Variants in SUSD4 observed in about 807,000 individuals in gnomAD.
SUSD4 encodes the protein sushi domain containing 4, also known as sushi domain-containing protein 4.
In SUSD4, 41 loss-of-function variants were observed where a neutral mutation model predicts 50.5. The observed-to-expected ratio is 0.81, with a 90% CI of 0.63 to 1.05. The LOEUF (loss-of-function observed/expected upper bound fraction) is 1.05, where lower values mean the gene tolerates loss of function less well. Ranked by LOEUF, SUSD4 falls within the 50% of genes least tolerant of loss-of-function variation. The pLI, the probability that SUSD4 is intolerant of heterozygous loss-of-function variation, is 0.00. For synonymous variants in SUSD4, 257 were observed against 257.3 expected (o/e 1.00, Z 0.01); for missense variants, 580 against 634.7 (o/e 0.91, Z 0.93).
intron 2 of SUSD4, among the ~76,000 whole-genome samples, chr1:223,325,562 G>A (rs1238582151): frequency 6.6e-6 from 1 of 152,126 alleles, no homozygotes; most frequent in Non-Finnish European, 1.5e-5. Context: ...ATCCAAATTG[G>A]AAAAGAGGAA....
chr1:223,344,355 G>A (rs376331101), intron 2 of SUSD4, among the ~76,000 whole-genome samples: 1 of 152,124 alleles, frequency 6.6e-6, no homozygotes, highest in East Asian at 1.9e-4. Context: ...TCAGATGAGT[G>A]TCTCACACAA....
chr1:223,312,211 G>T (rs1006977369), intron 2 of SUSD4, among the ~76,000 whole-genome samples: 1 of 152,222 alleles, frequency 6.6e-6, no homozygotes, highest in Non-Finnish European at 1.5e-5. Context: ...CCATGCAAAT[G>T]AGAGTGTCAT....
At chr1:223,226,038 T>A (rs1364708665) in intron 7 of SUSD4, among the ~76,000 whole-genome samples, 1 of 152,194 alleles carries the variant, frequency 6.6e-6, no homozygotes, top group Non-Finnish European at 1.5e-5. Flanking sequence ...CAAGAACATT[T>A]TAAAAACATC....
chr1:223,255,455 AT>A (rs1198406888), intron 5 of SUSD4, among the ~76,000 whole-genome samples: 1 of 152,156 alleles, frequency 6.6e-6, no homozygotes, highest in East Asian at 1.9e-4. Context: ...CCGATGTATG[AT>A]TTTCATATTT....
chr1:223,346,689 G>A (rs780837945), intron 2 of SUSD4, among the ~76,000 whole-genome samples: 10 of 152,226 alleles, frequency 6.6e-5, no homozygotes, highest in Admixed American at 1.3e-4. Context: ...GAATGAAAAC[G>A]GTACCTAATT....
chr1:223,278,984 C>T (rs1663490598), intron 3 of SUSD4, among the ~76,000 whole-genome samples: 1 of 152,198 alleles, frequency 6.6e-6, no homozygotes, highest in African/African-American at 2.4e-5. Flanking sequence ...CAGCTAACTC[C>T]AACAGACCTG....
At chr1:223,282,462 C>T (rs1389323284) in intron 3 of SUSD4, among the ~76,000 whole-genome samples, 1 of 152,088 alleles carries the variant, frequency 6.6e-6, no homozygotes, top group East Asian at 1.9e-4. Flanking sequence ...AACAGAGAGC[C>T]ATATCATGAG....
At chr1:223,276,145 G>A (rs907045138) in intron 3 of SUSD4, among the ~76,000 whole-genome samples, 1 of 152,194 alleles carries the variant, frequency 6.6e-6, no homozygotes, top group Non-Finnish European at 1.5e-5. Flanking sequence ...ACATAATTCT[G>A]GATAGTTTCA....
intron 5 of SUSD4, among the ~76,000 whole-genome samples, chr1:223,233,291 C>T (rs1350678199): frequency 6.6e-6 from 1 of 152,128 alleles, no homozygotes; most frequent in Non-Finnish European, 1.5e-5. Flanking sequence ...ATTAGCTTTG[C>T]TGTAAAGGAA....
At chr1:223,361,867 A>G (rs1669000785) in intron 2 of SUSD4, among the ~76,000 whole-genome samples, 1 of 152,190 alleles carries the variant, frequency 6.6e-6, no homozygotes, top group African/African-American at 2.4e-5. Flanking sequence ...ATTCCCACTC[A>G]TATGTGAAGC....
chr1:223,361,428 CA>C (rs1668971463), intron 2 of SUSD4, among the ~76,000 whole-genome samples: 1 of 152,118 alleles, frequency 6.6e-6, no homozygotes, highest in African/African-American at 2.4e-5. Flanking sequence ...AGGTGACAGG[CA>C]ACCCTTACTC....
chr1:223,317,673 A>G (rs975307144), intron 2 of SUSD4, among the ~76,000 whole-genome samples: 16 of 152,102 alleles, frequency 1.1e-4, no homozygotes, highest in African/African-American at 3.9e-4. Context: ...GGTCTTTGCC[A>G]ACAGTTCATA....
Position 223,363,630 on chromosome 1 carries a change from C to T in SUSD4, c.-35-170G>A, listed in dbSNP as rs1043779426. On this transcript the variant is annotated intron_variant, in intron 1 of 8. Coordinates refer to ENST00000366878, the MANE Select transcript of SUSD4 (RefSeq NM_017982.4). ...CACGGCGAGGTCCCCCGCCTTCCCC[C>T]GAGCCGGGTGCACTGAGTAACAGCC... The T allele has an allele frequency of 5.3e-6, 4 of 751,526 alleles. No homozygotes were observed. The African/African-American group carries it at 7.1e-5, about 13-fold the overall frequency. The allele number at this position is 751,526 out of a possible 1,614,324, so 46.6% of individuals were successfully genotyped here.
At chr1:223,306,947 A>G (rs989625082) in intron 2 of SUSD4, among the ~76,000 whole-genome samples, 2 of 133,024 alleles carry the variant, frequency 1.5e-5, no homozygotes, top group African/African-American at 6.1e-5. Context: ...AGGCATATGG[A>G]TGAGTTTTTT....
At chr1:223,291,515 A>C (rs1353707245) in intron 3 of SUSD4, among the ~76,000 whole-genome samples, 1 of 143,532 alleles carries the variant, frequency 7.0e-6, no homozygotes, top group Non-Finnish European at 1.5e-5. Flanking sequence ...AAAAAAGCTT[A>C]TTAAGTTATT....
intron 5 of SUSD4, among the ~76,000 whole-genome samples, chr1:223,241,192 T>C (rs934480860): frequency 6.6e-6 from 1 of 152,240 alleles, no homozygotes; most frequent in Non-Finnish European, 1.5e-5. Context: ...AAGGACGGAC[T>C]GCTCCAGCAT....
intron 2 of SUSD4, chr1:223,359,213 G>A: frequency 2.2e-6 from 1 of 458,596 alleles, no homozygotes. Flanking sequence ...CCTGCTGTGT[G>A]ACTTTCAGAA....
chr1:223,334,319 C>G (rs1177372415), intron 2 of SUSD4, among the ~76,000 whole-genome samples: 1 of 151,570 alleles, frequency 6.6e-6, no homozygotes, highest in Non-Finnish European at 1.5e-5. Context: ...AGCAAAAAAG[C>G]ACAGAGAAAG....
chr1:223,241,372 A>C (rs1165454750), intron 5 of SUSD4, among the ~76,000 whole-genome samples: 1 of 152,206 alleles, frequency 6.6e-6, no homozygotes, highest in Non-Finnish European at 1.5e-5. Context: ...ACAGTTGGCC[A>C]CACTGAGGCT....
Sources: allele counts gnomAD v4.1 joint callset (sites outside exome capture counted in the v4.1 genomes callset), GRCh38; gene constraint gnomAD v4.1.1; transcripts MANE v1.5; gene names NCBI Gene and HGNC (gene_info 2026-07-23, HGNC 2026-07-21).